The following MAGI1 variants were observed in gnomAD, a reference collection of about 807,000 sequenced individuals.
MAGI1 encodes the protein membrane-associated guanylate kinase, WW and PDZ domain-containing protein 1.
In MAGI1, 58 loss-of-function variants were observed where a neutral mutation model predicts 139.9. That is an observed-to-expected ratio of 0.41 (90% CI 0.34 to 0.52). The LOEUF is 0.52. MAGI1 is among the 20% of genes least tolerant of loss of function. The pLI, the probability that MAGI1 is intolerant of heterozygous loss-of-function variation, is 0.12. For synonymous variants in MAGI1, 812 were observed against 737.9 expected (o/e 1.10, Z -1.63); for missense variants, 1,874 against 1,901.6 (o/e 0.99, Z 0.27).
At chr3:65,649,371 A>G (rs2085456658) in intron 1 of MAGI1, among the ~76,000 whole-genome samples, 2 of 152,124 alleles carry the variant, frequency 1.3e-5, no homozygotes, top group African/African-American at 4.8e-5. Flanking sequence ...CAGAGACCCT[A>G]TCTCTAAAAA....
intron 2 of MAGI1, among the ~76,000 whole-genome samples, chr3:65,585,469 T>C (rs1486544314): frequency 6.6e-6 from 1 of 152,208 alleles, no homozygotes; most frequent in Non-Finnish European, 1.5e-5. Context: ...CAGTGAAATG[T>C]CACCACACTG....
chr3:65,734,548 A>AGAGAGAAAGAAAGAGAGAGAGG, intron 1 of MAGI1, among the ~76,000 whole-genome samples: 1 of 140,584 alleles, frequency 7.1e-6, no homozygotes. Flanking sequence ...AGAGAGAGAA[A>AGAGAGAAAGAAAGAGAGAGAGG]GAGAGAAAGA....
In MAGI1 at chr3:65,382,051, C is replaced by T. The variant is rs376560565; in HGVS notation, c.2527G>A (p.Val843Ile). 2.4e-5 allele frequency: 39 copies of T among 1,611,382 alleles called. No homozygotes were observed. Among genetic ancestry groups the T allele is most frequent in the East Asian group, 6.7e-5 (3 of 44,836 alleles). ...PGEPIYIGHI[V>I]PLGAADTDGR... ...TCAGTATCAGCAGCACCCAGTGGTA[C>T]GATGTGACCAATATAAATCTGTTGA... The change falls in exon 16 of 23, where the codon GTA becomes ATA. Residue 843 changes from valine (V) to isoleucine (I), a missense_variant. By Grantham distance (29) the Val-to-Ile change is conservative. This residue lies in a region of MAGI1 where 482 missense variants were observed against 509.6 expected (regional missense o/e 0.95). Transcript: ENST00000402939.
At chr3:65,457,524 T>C (rs1262732192) in intron 5 of MAGI1, among the ~76,000 whole-genome samples, 3 of 152,214 alleles carry the variant, frequency 2.0e-5, no homozygotes. Context: ...GTTTACAGTA[T>C]ATAAGATCCA....
At chr3:65,978,918 C>A (rs532802001) in intron 1 of MAGI1, among the ~76,000 whole-genome samples, 2 of 152,196 alleles carry the variant, frequency 1.3e-5, no homozygotes, top group East Asian at 1.9e-4. Flanking sequence ...TGAGCCACCA[C>A]GCCTGGCTCA....
chr3:65,837,549 T>C (rs1281699323), intron 1 of MAGI1, among the ~76,000 whole-genome samples: 5 of 152,170 alleles, frequency 3.3e-5, no homozygotes, highest in Non-Finnish European at 7.3e-5. Flanking sequence ...CTATAAAATA[T>C]GCCACGACCC....
At chr3:65,736,751 T>C (rs576004264) in intron 1 of MAGI1, among the ~76,000 whole-genome samples, 12 of 152,364 alleles carry the variant, frequency 7.9e-5, no homozygotes, top group Non-Finnish European at 1.3e-4. Context: ...CCCATCCACA[T>C]TGGTGATGGC....
chr3:65,535,792 C>A (rs941549509), intron 2 of MAGI1, among the ~76,000 whole-genome samples: 2 of 152,130 alleles, frequency 1.3e-5, no homozygotes, highest in Non-Finnish European at 2.9e-5. Context: ...AGTTAGGTAA[C>A]CTCTATCTTA....
intron 14 of MAGI1, among the ~76,000 whole-genome samples, chr3:65,389,005 G>A (rs781082428): frequency 9.9e-5 from 15 of 151,578 alleles, no homozygotes; most frequent in Non-Finnish European, 5.9e-5. Flanking sequence ...CACCACACCC[G>A]GCTAATTTTT....
chr3:65,528,205 A>C (rs2078479328), intron 2 of MAGI1, among the ~76,000 whole-genome samples: 1 of 152,166 alleles, frequency 6.6e-6, no homozygotes, highest in Admixed American at 6.5e-5. Context: ...GAAGCACTTT[A>C]TTTTTACCTC....
chr3:65,745,257 A>C (rs2035607806), intron 1 of MAGI1, among the ~76,000 whole-genome samples: 1 of 152,158 alleles, frequency 6.6e-6, no homozygotes, highest in Non-Finnish European at 1.5e-5. Context: ...AAGGTATCTC[A>C]AGCAGGAGGA....
At chr3:65,865,618 G>C (rs554042504) in intron 1 of MAGI1, among the ~76,000 whole-genome samples, 1 of 152,044 alleles carries the variant, frequency 6.6e-6, no homozygotes, top group African/African-American at 2.4e-5. Flanking sequence ...TAAAAAATAA[G>C]CACTTTGCAA....
intron 1 of MAGI1, among the ~76,000 whole-genome samples, chr3:65,752,505 C>T (rs887459995): frequency 9.2e-5 from 14 of 152,104 alleles, no homozygotes; most frequent in South Asian, 2.1e-4. Context: ...CTCCACAAAA[C>T]GTTAAAAATA....
intron 1 of MAGI1, among the ~76,000 whole-genome samples, chr3:65,770,277 G>A (rs1402816994): frequency 1.3e-5 from 2 of 152,112 alleles, no homozygotes; most frequent in Admixed American, 1.3e-4. Flanking sequence ...ACTAACATCA[G>A]AATTCCCACT....
intron 1 of MAGI1, among the ~76,000 whole-genome samples, chr3:65,683,670 ATATATATGTATG>A (rs1559783694): frequency 1.1e-5 from 1 of 87,742 alleles, no homozygotes; most frequent in African/African-American, 3.3e-5. Context: ...ATATATATAT[ATATATATGTATG>A]GCAAGCACAT....
intron 1 of MAGI1, among the ~76,000 whole-genome samples, chr3:65,662,388 T>C (rs923957562): frequency 6.6e-6 from 1 of 152,228 alleles, no homozygotes; most frequent in Non-Finnish European, 1.5e-5. Flanking sequence ...TTGCAGACCA[T>C]ACGGTCTCTG....
chr3:65,377,207 G>C (rs1005707566), intron 17 of MAGI1, among the ~76,000 whole-genome samples: 1 of 152,154 alleles, frequency 6.6e-6, no homozygotes, highest in African/African-American at 2.4e-5. Flanking sequence ...TTGTATCACA[G>C]AATGGAACAC....
At chr3:65,816,172 A>C (rs2041588065) in intron 1 of MAGI1, among the ~76,000 whole-genome samples, 1 of 152,054 alleles carries the variant, frequency 6.6e-6, no homozygotes, top group Admixed American at 6.6e-5. Context: ...TTTAATGTAG[A>C]GTCATGGTTG....
In MAGI1 at chr3:65,516,479, C is replaced by G. The variant is rs1459212773; in HGVS notation, c.431-22848G>C. Reference sequence around the variant, plus strand: ...GGCATGAGCCACCGTGCCTGGCCGACCCTGTCTCTTTTTAAAAGTATAATA... The same window carrying G: ...GGCATGAGCCACCGTGCCTGGCCGAGCCTGTCTCTTTTTAAAAGTATAATA... On this transcript the variant is annotated intron_variant, in intron 2 of 22. Transcript: ENST00000402939. Among the ~76,000 whole-genome samples the G allele has an allele frequency of 5.3e-5, 8 of 151,866 alleles. 1 individual carries two copies. Among genetic ancestry groups the G allele is most frequent in the Non-Finnish European group, 2.9e-5 (2 of 67,956 alleles).
Sources: allele counts gnomAD v4.1 joint callset (sites outside exome capture counted in the v4.1 genomes callset), GRCh38; gene constraint gnomAD v4.1.1; regional missense constraint gnomAD v4.1.1; transcripts MANE v1.5; gene names NCBI Gene and HGNC (gene_info 2026-07-23, HGNC 2026-07-21).